Variants in MEGF11 observed in about 807,000 individuals in gnomAD.
MEGF11 encodes multiple EGF like domains 11, also known as multiple epidermal growth factor-like domains protein 11.
In MEGF11, 126 loss-of-function variants were observed where a neutral mutation model predicts 146.6. The ratio of observed to expected loss-of-function variants is 0.86; its 90% confidence interval spans 0.74 to 1.00. The LOEUF is 1.00. MEGF11 is among the 50% of genes least tolerant of loss of function. MEGF11 has a pLI of 0.00. For missense variants in MEGF11, 1,509 were observed against 1,521.2 expected (o/e 0.99, Z 0.13); for synonymous variants, 532 against 583.4 (o/e 0.91, Z 1.27).
At position 65,897,691 on chromosome 15, in the gene MEGF11, T is replaced by A. The variant is rs1024066268; in HGVS notation, c.*243A>T. On this transcript the variant is annotated 3_prime_UTR_variant, in exon 26 of 26. Transcript: ENST00000395614. ...TGATGAGTAGCTGTATCTTAAAATG[T>A]TTTAAAAATCATATAATCCAGGGCA... The A allele has an allele frequency of 1.5e-5, 5 of 339,610 alleles. No individual in the cohort carries two copies. Among genetic ancestry groups the A allele is most frequent in the Non-Finnish European group, 2.6e-5 (5 of 189,100 alleles). The allele number at this position is 339,610 out of a possible 1,614,324, so 21.0% of individuals were successfully genotyped here. A position where few individuals can be genotyped will look rare whatever the true frequency, so the allele number is the denominator to read the frequency against.
At chr15:66,011,044 G>C (rs144602639) in intron 5 of MEGF11, among the ~76,000 whole-genome samples, 4 of 152,328 alleles carry the variant, frequency 2.6e-5, no homozygotes, top group African/African-American at 9.6e-5. Flanking sequence ...TGTGTGTAAA[G>C]GGGGTCTGGC....
At chr15:65,994,669 G>A (rs1176923996) in intron 5 of MEGF11, among the ~76,000 whole-genome samples, 1 of 152,184 alleles carries the variant, frequency 6.6e-6, no homozygotes, top group Admixed American at 6.5e-5. Flanking sequence ...GGGGCAGGAG[G>A]GACCTGGGAT....
At position 66,211,378 on chromosome 15, in the gene MEGF11, G is replaced by A. The variant is rs751764681; in HGVS notation, c.-9+42227C>T. On this transcript the variant is annotated intron_variant, in intron 1 of 25. Coordinates refer to ENST00000395614, the MANE Select transcript of MEGF11 (RefSeq NM_001385028.1). The stretch of plus-strand genomic sequence containing the variant: ...CTCTACTAAAAATACAAAAAAATTA[G>A]CCGAGCATGGTGGCAGGCACCTGTA... Among the ~76,000 whole-genome samples the A allele has an allele frequency of 2.6e-5, 4 of 152,046 alleles. 1 individual carries two copies. The East Asian group carries it at 7.8e-4, about 30-fold the overall frequency.
intron 5 of MEGF11, among the ~76,000 whole-genome samples, chr15:66,040,775 A>G (rs2140293536): frequency 6.6e-6 from 1 of 152,296 alleles, no homozygotes; most frequent in East Asian, 1.9e-4. Flanking sequence ...TAGTAGACTG[A>G]AGCTCCAGGG....
At position 65,896,271 on chromosome 15, in the gene MEGF11, GTAAGTATTACATA is replaced by G. The variant is rs2078357451; in HGVS notation, c.*1650_*1662del. On this transcript the variant is annotated 3_prime_UTR_variant, in exon 26 of 26. Transcript: ENST00000395614. ...TCCCATGCACACATGCAACATTCAT[GTAAGTATTACATA>G]TTTTCCTCTAACAGTAAAATCTGCT... 1 of 152,620 alleles carries G rather than the reference GTAAGTATTACATA, an allele frequency of 6.6e-6. No homozygotes were observed. The highest frequency in any genetic ancestry group is 2.4e-5 in the African/African-American group (1 of 41,426). 9.5% of individuals were successfully genotyped at this position (152,620 alleles called of 1,614,324 possible). A position where few individuals can be genotyped will look rare whatever the true frequency, so the allele number is the denominator to read the frequency against.
intron 10 of MEGF11, among the ~76,000 whole-genome samples, chr15:65,933,466 C>T (rs2079650456): frequency 1.3e-5 from 2 of 152,208 alleles, no homozygotes; most frequent in East Asian, 1.9e-4. Flanking sequence ...TCAGAGAGGC[C>T]TCCTGCCCTG....
chr15:66,122,284 A>G (rs997972167), intron 3 of MEGF11, among the ~76,000 whole-genome samples: 1 of 151,280 alleles, frequency 6.6e-6, no homozygotes, highest in Non-Finnish European at 1.5e-5. Flanking sequence ...CTACCTATGC[A>G]GAAAAAAAAA....
chr15:65,906,134 A>C lies in MEGF11; in HGVS notation c.3006T>G (p.Cys1002Trp). ...ATGTGTTCTGACGTCTATCCATTCC[A>C]CAAGCACCTGTGTAAAAATAACATG... ...RPAEPHSPGACGMDRRQNTYI... is the reference protein window; with the variant it reads ...RPAEPHSPGAWGMDRRQNTYI... The change falls in exon 24 of 26, where the codon TGT (cysteine) becomes TGG (tryptophan). Residue 1002 changes from cysteine to tryptophan, a missense_variant. By Grantham distance (215) the Cys-to-Trp change is radical (BLOSUM62 -2). Coordinates refer to ENST00000395614, the MANE Select transcript of MEGF11 (RefSeq NM_001385028.1). The C allele has an allele frequency of 6.2e-7, 1 of 1,609,484 alleles. No individual in the cohort carries two copies. The highest frequency in any genetic ancestry group is 8.5e-7 in the Non-Finnish European group (1 of 1,177,722).
At chr15:66,031,183 G>T (rs1358881413) in intron 5 of MEGF11, among the ~76,000 whole-genome samples, 1 of 152,162 alleles carries the variant, frequency 6.6e-6, no homozygotes, top group Admixed American at 6.5e-5. Flanking sequence ...CCAAGTAAAG[G>T]TCCCTTCACT....
chr15:66,033,667 TTGGGGGCCCAACCCCCACACCAG>T (rs759883127), intron 5 of MEGF11, among the ~76,000 whole-genome samples: 29 of 152,278 alleles, frequency 1.9e-4, no homozygotes, highest in Admixed American at 3.3e-4. Context: ...GTCTGAGGCC[TTGGGGGCCCAACCCCCACACCAG>T]TGTGTCCAGA....
intron 5 of MEGF11, among the ~76,000 whole-genome samples, chr15:66,065,231 C>A (rs1371184414): frequency 1.3e-5 from 2 of 151,312 alleles, no homozygotes; most frequent in East Asian, 3.9e-4. Context: ...AAAAATGAAA[C>A]TTTGCAGCAT....
At chr15:66,080,477 CCTCCTCT>C (rs1437105457) in intron 5 of MEGF11, among the ~76,000 whole-genome samples, 1 of 152,174 alleles carries the variant, frequency 6.6e-6, no homozygotes, top group Non-Finnish European at 1.5e-5. Context: ...CCTCCTCCTC[CCTCCTCT>C]CTGTGCTGGT....
chr15:66,195,994 G>A (rs939717970), intron 1 of MEGF11, among the ~76,000 whole-genome samples: 10 of 152,198 alleles, frequency 6.6e-5, no homozygotes, highest in African/African-American at 1.9e-4. Flanking sequence ...TAACCAGAGC[G>A]GGGTAAGTGG....
intron 9 of MEGF11, among the ~76,000 whole-genome samples, chr15:65,960,055 T>C (rs1162297284): frequency 6.6e-6 from 1 of 152,186 alleles, no homozygotes; most frequent in Non-Finnish European, 1.5e-5. Flanking sequence ...ATAAGCACTT[T>C]GTATACAAAG....
intron 13 of MEGF11, among the ~76,000 whole-genome samples, chr15:65,924,690 G>C (rs112498640): frequency 0.063 from 9,217 of 147,278 alleles, 410 homozygotes; most frequent in Non-Finnish European, 0.093. Context: ...GTGCAGTGGT[G>C]TGATCTTGGC....
In MEGF11 at chr15:65,917,948, C is replaced by T. The variant is rs375809651; in HGVS notation, c.2086+18G>A. The T allele has an allele frequency of 1.5e-5, 25 of 1,613,838 alleles. No homozygotes were observed. In the African/African-American group the frequency reaches 2.0e-4, roughly 13 times the overall value. On this transcript the variant is annotated intron_variant, in intron 16 of 25. Coordinates refer to ENST00000395614, the MANE Select transcript of MEGF11 (RefSeq NM_001385028.1). ...GCCTGACCCCAGGTAGGGGCATTCC[C>T]AGGTGGCAGCAGCTTACCCTGTGAG...
chr15:65,993,491 T>A (rs985405038), intron 5 of MEGF11, among the ~76,000 whole-genome samples: 2 of 151,972 alleles, frequency 1.3e-5, no homozygotes, highest in Non-Finnish European at 2.9e-5. Context: ...GAAAGCCTCA[T>A]AAATCATGTC....
chr15:66,216,991 C>A (rs2091602094), intron 1 of MEGF11, among the ~76,000 whole-genome samples: 1 of 152,266 alleles, frequency 6.6e-6, no homozygotes, highest in Non-Finnish European at 1.5e-5. Flanking sequence ...CAGAGCACCC[C>A]ATGGGACTGG....
intron 5 of MEGF11, among the ~76,000 whole-genome samples, chr15:66,092,793 G>A (rs1597074887): frequency 6.6e-6 from 1 of 152,308 alleles, no homozygotes; most frequent in East Asian, 1.9e-4. Context: ...GACCCAGGCT[G>A]TATTTCAACC....
Sources: gnomAD v4.1 joint callset for allele counts (sites outside exome capture counted in the v4.1 genomes callset) on GRCh38, gnomAD v4.1.1 for gene constraint, MANE v1.5 for transcripts, NCBI Gene and HGNC (gene_info 2026-07-23, HGNC 2026-07-21) for gene names.